GALNT13: variants seen among roughly 807,000 people sequenced by gnomAD.
The protein encoded by GALNT13 is UDP-GalNAc:polypeptide N-acetylgalactosaminyltransferase 13.
In GALNT13, 28 loss-of-function variants were observed where a neutral mutation model predicts 64.2. The observed-to-expected ratio is 0.44, with a 90% confidence interval of 0.32 to 0.60. The LOEUF (loss-of-function observed/expected upper bound fraction) is 0.60, where lower values mean the gene tolerates loss of function less well. Among genes scored for constraint, GALNT13 ranks in the 20% least tolerant of loss-of-function variants. The probability of loss-of-function intolerance (pLI) is 0.05; values close to 1 mark genes in which losing one functional copy is unlikely to be tolerated. For missense variants in GALNT13, 577 were observed against 669.8 expected (o/e 0.86, Z 1.53); for synonymous variants, 214 against 224.6 (o/e 0.95, Z 0.42).
chr2:153,415,945 C>T, the GALNT13 span, among the ~76,000 whole-genome samples: 1 of 152,128 alleles, frequency 6.6e-6, no homozygotes, highest in Non-Finnish European at 1.5e-5. Context: ...GCCATAGCAG[C>T]AGACACAACC....
At chr2:154,194,265 A>G (rs1686759931) in intron 4 of GALNT13, among the ~76,000 whole-genome samples, 2 of 152,198 alleles carry the variant, frequency 1.3e-5, no homozygotes, top group Non-Finnish European at 2.9e-5. Context: ...TTAATCATAT[A>G]CTAACACTGA....
At chr2:154,000,167 A>G (rs373931242) in intron 3 of GALNT13, among the ~76,000 whole-genome samples, 1 of 151,370 alleles carries the variant, frequency 6.6e-6, no homozygotes, top group African/African-American at 2.4e-5. Flanking sequence ...TATTGGTTAT[A>G]GTACCTTCTT....
chr2:153,818,393 G>T, the GALNT13 span, among the ~76,000 whole-genome samples: 1 of 152,098 alleles, frequency 6.6e-6, no homozygotes, highest in Non-Finnish European at 1.5e-5. Flanking sequence ...TGACTACCCC[G>T]CTGTTTCTCA....
At chr2:154,186,509 A>G (rs1286306827) in intron 4 of GALNT13, among the ~76,000 whole-genome samples, 2 of 152,120 alleles carry the variant, frequency 1.3e-5, no homozygotes, top group East Asian at 3.8e-4. Context: ...TTTGCTGCCA[A>G]CTGGATTTCT....
At chr2:154,397,616 TCTTA>T (rs1159226699) in intron 10 of GALNT13, among the ~76,000 whole-genome samples, 3 of 152,178 alleles carry the variant, frequency 2.0e-5, no homozygotes, top group African/African-American at 7.2e-5. Context: ...TATAAACATA[TCTTA>T]CTTACAATTA....
At chr2:153,961,207 A>G (rs1391648458) in intron 3 of GALNT13, among the ~76,000 whole-genome samples, 1 of 152,206 alleles carries the variant, frequency 6.6e-6, no homozygotes, top group African/African-American at 2.4e-5. Context: ...GGAAGAATAC[A>G]TATTTTTGTT....
At chr2:153,571,615 A>G in the GALNT13 span, among the ~76,000 whole-genome samples, 1 of 151,976 alleles carries the variant, frequency 6.6e-6, no homozygotes, top group Admixed American at 6.6e-5. Flanking sequence ...ATATTGACAT[A>G]TGTTCCTTCT....
At chr2:154,392,735 G>A (rs963217989) in intron 9 of GALNT13, among the ~76,000 whole-genome samples, 6 of 152,150 alleles carry the variant, frequency 3.9e-5, no homozygotes, top group Non-Finnish European at 4.4e-5. Context: ...TTGGTCAGGG[G>A]AGTAACATGA....
chr2:153,745,678 G>T, the GALNT13 span, among the ~76,000 whole-genome samples: 1 of 152,106 alleles, frequency 6.6e-6, no homozygotes, highest in Non-Finnish European at 1.5e-5. Context: ...GGTTAACATA[G>T]GCCAAAATAT....
At chr2:153,501,275 AGTT>A in the GALNT13 span, among the ~76,000 whole-genome samples, 1 of 152,092 alleles carries the variant, frequency 6.6e-6, no homozygotes, top group Non-Finnish European at 1.5e-5. Flanking sequence ...TTCTTTCAGT[AGTT>A]TAGTTTCACC....
the GALNT13 span, among the ~76,000 whole-genome samples, chr2:153,823,245 A>G: frequency 6.6e-6 from 1 of 152,172 alleles, no homozygotes; most frequent in Non-Finnish European, 1.5e-5. Context: ...AGCTACCAAT[A>G]TCATTTTTCA....
chr2:154,259,194 C>A, intron 8 of GALNT13, 56 bp downstream of exon 8: 1 of 901,778 alleles, frequency 1.1e-6, no homozygotes, highest in Non-Finnish European at 1.8e-6. Context: ...GTAGCATGCA[C>A]ATACCAGTCC....
the GALNT13 span, among the ~76,000 whole-genome samples, chr2:153,647,394 A>G: frequency 6.6e-6 from 1 of 151,712 alleles, no homozygotes; most frequent in East Asian, 1.9e-4. Context: ...GATTGCAAAA[A>G]TTTTCTCCCA....
At chr2:153,263,152 A>G in the GALNT13 span, among the ~76,000 whole-genome samples, 1 of 152,100 alleles carries the variant, frequency 6.6e-6, no homozygotes, top group Admixed American at 6.5e-5. Context: ...TACCCCAAAA[A>G]CAGACAAGCA....
At chr2:153,625,320 C>T in the GALNT13 span, among the ~76,000 whole-genome samples, 3 of 151,898 alleles carry the variant, frequency 2.0e-5, no homozygotes, top group South Asian at 2.1e-4. Flanking sequence ...ATACAAACAG[C>T]GGAGGTAATG....
the GALNT13 span, among the ~76,000 whole-genome samples, chr2:153,821,176 A>G: frequency 5.3e-5 from 8 of 152,178 alleles, no homozygotes; most frequent in African/African-American, 1.9e-4. Context: ...CCAGCATTAG[A>G]CAGATCATCA....
the GALNT13 span, among the ~76,000 whole-genome samples, chr2:153,081,370 C>T: frequency 2.0e-5 from 3 of 152,148 alleles, no homozygotes; most frequent in Non-Finnish European, 2.9e-5. Flanking sequence ...ACAAACAATA[C>T]AATTACACTC....
the GALNT13 span, among the ~76,000 whole-genome samples, chr2:153,527,013 T>TA: frequency 6.7e-5 from 10 of 149,974 alleles, no homozygotes; most frequent in South Asian, 2.1e-4. Flanking sequence ...AAAGAAGAAT[T>TA]AAAAAAAAAT....
At chr2:153,603,742 G>A in the GALNT13 span, among the ~76,000 whole-genome samples, 3 of 151,910 alleles carry the variant, frequency 2.0e-5, no homozygotes, top group Non-Finnish European at 4.4e-5. Context: ...TTTGGACAAT[G>A]CAAGTTCAAC....
Sources: gnomAD v4.1 joint callset for allele counts (sites outside exome capture counted in the v4.1 genomes callset) on GRCh38, gnomAD v4.1.1 for gene constraint, MANE v1.5 for transcripts, NCBI Gene and HGNC (gene_info 2026-07-23, HGNC 2026-07-21) for gene names.